The following BRD10 variants were observed in gnomAD, a reference collection of about 807,000 sequenced individuals.
BRD10 encodes uncharacterized bromodomain-containing protein 10.
the BRD10 span, among the ~76,000 whole-genome samples, chr9:5,970,675 T>C: frequency 6.6e-6 from 1 of 152,106 alleles, no homozygotes; most frequent in Non-Finnish European, 1.5e-5. Context: ...TTTTTGTAAA[T>C]TATGTACTTA....
the BRD10 span, among the ~76,000 whole-genome samples, chr9:5,949,583 C>T: frequency 6.6e-6 from 1 of 152,128 alleles, no homozygotes; most frequent in Non-Finnish European, 1.5e-5. Context: ...TGGAGTTCTT[C>T]TGCAAAGCAG....
chr9:5,899,076 A>G, the BRD10 span: 1 of 152,218 alleles, frequency 6.6e-6, no homozygotes, highest in Admixed American at 6.5e-5. Flanking sequence ...AAAGCCAGGT[A>G]GCACTTCAGC....
the BRD10 span, among the ~76,000 whole-genome samples, chr9:5,896,234 G>A: frequency 6.6e-6 from 1 of 152,226 alleles, no homozygotes; most frequent in Non-Finnish European, 1.5e-5. Flanking sequence ...CGAGGACTGT[G>A]GTTAGGATGA....
chr9:5,985,967 AATTATT>A, the BRD10 span, among the ~76,000 whole-genome samples: 2 of 152,084 alleles, frequency 1.3e-5, no homozygotes, highest in African/African-American at 4.8e-5. Context: ...GCTTTTTAAA[AATTATT>A]ATTATTATTT....
the BRD10 span, among the ~76,000 whole-genome samples, chr9:5,960,180 A>C: frequency 6.6e-6 from 1 of 152,098 alleles, no homozygotes; most frequent in Non-Finnish European, 1.5e-5. Context: ...TTTTTAACTT[A>C]GTTTTTTCAC....
the BRD10 span, among the ~76,000 whole-genome samples, chr9:5,924,456 T>C: frequency 6.6e-6 from 1 of 152,140 alleles, no homozygotes; most frequent in South Asian, 2.1e-4. Context: ...TTTTTATTTA[T>C]TTTTTTGTTG....
the BRD10 span, among the ~76,000 whole-genome samples, chr9:5,981,547 G>C: frequency 6.6e-6 from 1 of 151,226 alleles, no homozygotes; most frequent in Admixed American, 6.6e-5. Context: ...GAGAGACCTG[G>C]ACTATCTATC....
chr9:5,931,206 G>C, the BRD10 span, among the ~76,000 whole-genome samples: 1 of 152,156 alleles, frequency 6.6e-6, no homozygotes. Context: ...ATTAGCAAGT[G>C]GTAGTGTGGC....
At chr9:6,000,273 A>G in the BRD10 span, among the ~76,000 whole-genome samples, 3 of 152,146 alleles carry the variant, frequency 2.0e-5, no homozygotes, top group African/African-American at 7.2e-5. Flanking sequence ...GGTGACAGAT[A>G]CTACCACTGG....
At chr9:5,890,715 A>G in the BRD10 span, 1 of 152,198 alleles carries the variant, frequency 6.6e-6, no homozygotes, top group Non-Finnish European at 1.5e-5. Context: ...GGGACTGGGG[A>G]AAACAGAGGC....
the BRD10 span, among the ~76,000 whole-genome samples, chr9:5,980,150 G>C: frequency 4.6e-5 from 7 of 152,228 alleles, no homozygotes; most frequent in Non-Finnish European, 7.4e-5. Flanking sequence ...ACAGAATGTG[G>C]TGGTGGTTGT....
At chr9:5,912,857 T>C in the BRD10 span, among the ~76,000 whole-genome samples, 2 of 152,192 alleles carry the variant, frequency 1.3e-5, no homozygotes, top group Non-Finnish European at 2.9e-5. Flanking sequence ...TGACCAGAGC[T>C]CATGGCTGGT....
At chr9:5,991,204 T>C in the BRD10 span, among the ~76,000 whole-genome samples, 2 of 151,882 alleles carry the variant, frequency 1.3e-5, no homozygotes, top group Admixed American at 1.3e-4. Flanking sequence ...ATATATATCA[T>C]GCATGTACAG....
At chr9:5,891,498 T>C in the BRD10 span, among the ~76,000 whole-genome samples, 1 of 152,184 alleles carries the variant, frequency 6.6e-6, no homozygotes, top group African/African-American at 2.4e-5. Context: ...TCCCCACTCT[T>C]CTGTCTCACC....
chr9:6,002,516 A>G, the BRD10 span, among the ~76,000 whole-genome samples: 1 of 152,216 alleles, frequency 6.6e-6, no homozygotes, highest in Non-Finnish European at 1.5e-5. Flanking sequence ...CATTTTGTTA[A>G]AATTTCCAAT....
chr9:5,981,695 G>A, the BRD10 span, among the ~76,000 whole-genome samples: 1 of 152,092 alleles, frequency 6.6e-6, no homozygotes, highest in African/African-American at 2.4e-5. Context: ...ACACAAGAAT[G>A]TTTACTATAG....
chr9:5,963,796 C>A, the BRD10 span, among the ~76,000 whole-genome samples: 3 of 152,100 alleles, frequency 2.0e-5, no homozygotes, highest in African/African-American at 7.2e-5. Flanking sequence ...GAAAAACAAG[C>A]AATGGGGAAA....
chr9:5,949,905 T>G, the BRD10 span, among the ~76,000 whole-genome samples: 477 of 152,206 alleles, frequency 3.1e-3, 5 homozygotes, highest in Admixed American at 0.027. Context: ...CTTTCTTTGA[T>G]TACAAAACAG....
chr9:5,897,102 G>T, the BRD10 span, among the ~76,000 whole-genome samples: 1 of 152,212 alleles, frequency 6.6e-6, no homozygotes, highest in African/African-American at 2.4e-5. Context: ...GTTGATGTGA[G>T]AATTGAATAA....
Sources: gnomAD v4.1 joint callset for allele counts (sites outside exome capture counted in the v4.1 genomes callset) on GRCh38, gnomAD v4.1.1 for gene constraint, MANE v1.5 for transcripts, NCBI Gene and HGNC (gene_info 2026-07-23, HGNC 2026-07-21) for gene names.